ICA1: variants seen among roughly 807,000 people sequenced by gnomAD.
The protein encoded by ICA1 is 69 kDa islet cell autoantigen.
ICA1 carries 40 observed loss-of-function variants against 71.0 expected under a neutral mutation model. That is an observed-to-expected ratio of 0.56 (90% CI 0.44 to 0.73). The LOEUF (loss-of-function observed/expected upper bound fraction) is 0.73, where lower values mean the gene tolerates loss of function less well. ICA1 is among the 30% of genes least tolerant of loss of function. The probability of loss-of-function intolerance (pLI) is 0.00; values close to 1 mark genes in which losing one functional copy is unlikely to be tolerated. For synonymous variants in ICA1, 207 were observed against 209.5 expected, an observed-to-expected ratio of 0.99 and a Z score of 0.10; for missense variants, 578 against 576.5, an observed-to-expected ratio of 1.00 and a Z score of -0.03.
In ICA1 at chr7:8,159,862, T is replaced by A. The variant is rs79684235; in HGVS notation, c.580-1210A>T. On this transcript the variant is annotated intron_variant, in intron 6 of 13. Transcript: ENST00000402384. The stretch of plus-strand genomic sequence containing the variant: ...CCACCTTACTGAGGTATGATTGACA[T>A]ATAAAAAGCTGTACATATTCAGTGT... 3.4e-4 allele frequency among the ~76,000 whole-genome samples: 52 copies of A among 152,312 alleles called. No individual in the cohort carries two copies. In the East Asian group the frequency reaches 7.5e-3, roughly 22 times the overall value.
At chr7:8,169,015 C>CT (rs1807229650) in intron 6 of ICA1, among the ~76,000 whole-genome samples, 2 of 152,064 alleles carry the variant, frequency 1.3e-5, no homozygotes, top group African/African-American at 4.8e-5. Context: ...TCAATTCCTT[C>CT]CCTCAAGTCC....
At chr7:8,240,868 A>AAG (rs1212765160) in intron 1 of ICA1, among the ~76,000 whole-genome samples, 1 of 152,210 alleles carries the variant, frequency 6.6e-6, no homozygotes, top group Non-Finnish European at 1.5e-5. Context: ...TTAGAGAAAA[A>AAG]AGAGTAAAAA....
At chr7:8,239,333 A>T (rs2128481841) in intron 1 of ICA1, among the ~76,000 whole-genome samples, 1 of 152,358 alleles carries the variant, frequency 6.6e-6, no homozygotes, top group South Asian at 2.1e-4. Flanking sequence ...TTGGTTTATC[A>T]GACATAAACT....
At chr7:8,235,860 G>A in intron 2 of ICA1, 50 bp downstream of exon 2, 1 of 1,568,124 alleles carries the variant, frequency 6.4e-7, no homozygotes, top group Non-Finnish European at 8.8e-7. Context: ...TTGATCATAT[G>A]CTATATGCTT....
At chr7:8,175,550 C>G (rs954829910) in intron 6 of ICA1, among the ~76,000 whole-genome samples, 8 of 152,010 alleles carry the variant, frequency 5.3e-5, no homozygotes, top group Admixed American at 2.0e-4. Flanking sequence ...CCTGAATAAA[C>G]CACACATGCA....
chr7:8,179,754 C>CT (rs138515738), intron 6 of ICA1, among the ~76,000 whole-genome samples: 193 of 151,514 alleles, frequency 1.3e-3, no homozygotes, highest in African/African-American at 3.4e-3. Flanking sequence ...GAAGGGAGAA[C>CT]TTTTTTTTTT....
intron 6 of ICA1, among the ~76,000 whole-genome samples, chr7:8,203,267 A>C (rs1790358675): frequency 6.6e-6 from 1 of 152,212 alleles, no homozygotes; most frequent in African/African-American, 2.4e-5. Context: ...TTAAGCCTTA[A>C]TATAGTAGAG....
intron 8 of ICA1, among the ~76,000 whole-genome samples, chr7:8,150,888 C>T (rs778958932): frequency 6.6e-6 from 1 of 152,256 alleles, no homozygotes; most frequent in Admixed American, 6.5e-5. Flanking sequence ...CATGGCCCTG[C>T]TGGGGAAGGC....
chr7:8,164,923 CA>C (rs898938267), intron 6 of ICA1, among the ~76,000 whole-genome samples: 1 of 152,014 alleles, frequency 6.6e-6, no homozygotes, highest in African/African-American at 2.4e-5. Context: ...ACAAAAGATA[CA>C]AAAATTTGCC....
At chr7:8,251,576 G>A (rs1380035197) in intron 1 of ICA1, among the ~76,000 whole-genome samples, 1 of 151,318 alleles carries the variant, frequency 6.6e-6, no homozygotes, top group African/African-American at 2.4e-5. Context: ...AAAAAATTGG[G>A]GTTCTAAAAA....
chr7:8,158,096 G>A (rs566947929), intron 7 of ICA1, among the ~76,000 whole-genome samples: 3 of 152,288 alleles, frequency 2.0e-5, no homozygotes, highest in African/African-American at 7.2e-5. Context: ...GGAACTCAGA[G>A]GCTATCAGGG....
chr7:8,221,670 C>T (rs1427509286), intron 4 of ICA1, among the ~76,000 whole-genome samples: 1 of 152,142 alleles, frequency 6.6e-6, no homozygotes, highest in Non-Finnish European at 1.5e-5. Flanking sequence ...GACCTCTGTA[C>T]TGAAACGTAA....
At chr7:8,125,472 T>TCTTC (rs1230419282) in intron 13 of ICA1, among the ~76,000 whole-genome samples, 1 of 152,218 alleles carries the variant, frequency 6.6e-6, no homozygotes, top group African/African-American at 2.4e-5. Context: ...TCAGATCTCA[T>TCTTC]CTTCCCAGTA....
At chr7:8,165,474 T>C (rs893390813) in intron 6 of ICA1, among the ~76,000 whole-genome samples, 1 of 152,164 alleles carries the variant, frequency 6.6e-6, no homozygotes, top group Non-Finnish European at 1.5e-5. Context: ...AAGACAACGA[T>C]GCCCTCTCTC....
intron 6 of ICA1, among the ~76,000 whole-genome samples, chr7:8,183,957 A>G (rs1783080418): frequency 6.6e-6 from 1 of 152,176 alleles, no homozygotes; most frequent in Admixed American, 6.5e-5. Context: ...AAGAATAAAA[A>G]ATATAGACTA....
At chr7:8,197,708 C>T (rs970041092) in intron 6 of ICA1, among the ~76,000 whole-genome samples, 1 of 151,714 alleles carries the variant, frequency 6.6e-6, no homozygotes, top group African/African-American at 2.4e-5. Flanking sequence ...GGGGCACAAA[C>T]GAGAACAAAG....
At chr7:8,255,254 C>G (rs776956216) in intron 1 of ICA1, among the ~76,000 whole-genome samples, 10 of 152,276 alleles carry the variant, frequency 6.6e-5, no homozygotes, top group Non-Finnish European at 1.0e-4. Flanking sequence ...CTCTCTGGTT[C>G]CTTTCTCCAC....
At chr7:8,121,671 G>A (rs6973580) in intron 13 of ICA1, among the ~76,000 whole-genome samples, 83,211 of 152,040 alleles carry the variant, frequency 0.55, 25,624 homozygotes, top group African/African-American at 0.85. Context: ...GATAGAATAA[G>A]TATGATCTAG....
At chr7:8,229,820 A>C (rs1799706764) in intron 3 of ICA1, among the ~76,000 whole-genome samples, 1 of 152,228 alleles carries the variant, frequency 6.6e-6, no homozygotes, top group Non-Finnish European at 1.5e-5. Flanking sequence ...AAGAGCCATA[A>C]AACAAAAGAG....
Sources: gnomAD v4.1 joint callset for allele counts (sites outside exome capture counted in the v4.1 genomes callset) on GRCh38, gnomAD v4.1.1 for gene constraint, MANE v1.5 for transcripts, NCBI Gene and HGNC (gene_info 2026-07-23, HGNC 2026-07-21) for gene names.